The following HPSE2 variants were observed in gnomAD, a reference collection of about 807,000 sequenced individuals.
HPSE2 encodes heparanase 2 (inactive).
HPSE2 carries 38 observed loss-of-function variants against 60.5 expected under a neutral mutation model. The observed-to-expected ratio is 0.63, with a 90% CI of 0.48 to 0.82. The LOEUF is 0.82. HPSE2 is among the 40% of genes least tolerant of loss of function. The probability of loss-of-function intolerance (pLI) is 0.00; values close to 1 mark genes in which losing one functional copy is unlikely to be tolerated. For missense variants in HPSE2, 713 were observed against 740.4 expected, an observed-to-expected ratio of 0.96 and a Z score of 0.43; for synonymous variants, 295 against 293.2, an observed-to-expected ratio of 1.01 and a Z score of -0.06.
At chr10:98,871,775 T>C (rs1471789792) in intron 3 of HPSE2, among the ~76,000 whole-genome samples, 1 of 151,982 alleles carries the variant, frequency 6.6e-6, no homozygotes, top group Non-Finnish European at 1.5e-5. Flanking sequence ...CAGGTAAAAA[T>C]GTTGCCTATC....
the HPSE2 span, among the ~76,000 whole-genome samples, chr10:99,281,918 T>C: frequency 6.6e-6 from 1 of 150,576 alleles, no homozygotes; most frequent in Admixed American, 6.6e-5. Flanking sequence ...GAGAGCTGAG[T>C]TGGCTATATT....
Position 99,154,730 on chromosome 10 carries a change from A to G in HPSE2, c.449-10331T>C, listed in dbSNP as rs925920229. 1.7e-4 allele frequency among the ~76,000 whole-genome samples: 26 copies of G among 151,430 alleles called. 1 individual carries two copies. Among genetic ancestry groups the G allele is most frequent in the South Asian group, 1.7e-3 (8 of 4,764 alleles). ...AATCACCAGCTAACATCATAATGAC[A>G]GGATCAAATTCACACATAACAATAT... On this transcript the variant is annotated intron_variant, in intron 2 of 11. Transcript: ENST00000370552.
the HPSE2 span, among the ~76,000 whole-genome samples, chr10:99,314,512 C>T: frequency 3.9e-5 from 6 of 152,108 alleles, no homozygotes; most frequent in African/African-American, 1.4e-4. Flanking sequence ...AGACACAATG[C>T]TATTACACAC....
intron 8 of HPSE2, among the ~76,000 whole-genome samples, chr10:98,619,409 C>T (rs1202364124): frequency 6.6e-6 from 1 of 152,122 alleles, no homozygotes; most frequent in Non-Finnish European, 1.5e-5. Context: ...ATTCATTTTC[C>T]CATTCCTTCC....
intron 11 of HPSE2, among the ~76,000 whole-genome samples, chr10:98,480,111 C>T (rs549051633): frequency 2.8e-5 from 4 of 143,976 alleles, no homozygotes; most frequent in East Asian, 4.1e-4. Flanking sequence ...TTTTTTGAGG[C>T]AGAGTCTTGC....
At chr10:98,585,947 G>A (rs1430958066) in intron 9 of HPSE2, among the ~76,000 whole-genome samples, 1 of 81,462 alleles carries the variant, frequency 1.2e-5, no homozygotes, top group Non-Finnish European at 2.5e-5. Flanking sequence ...GCAAGACTGT[G>A]TCTCAAAAAA....
intron 9 of HPSE2, among the ~76,000 whole-genome samples, chr10:98,493,355 T>A (rs1941721756): frequency 6.6e-6 from 1 of 152,200 alleles, no homozygotes; most frequent in African/African-American, 2.4e-5. Flanking sequence ...TACTTCTTTA[T>A]TTCTGTATTG....
chr10:98,962,985 C>G (rs1264915516), intron 3 of HPSE2, among the ~76,000 whole-genome samples: 1 of 152,172 alleles, frequency 6.6e-6, no homozygotes, highest in Non-Finnish European at 1.5e-5. Flanking sequence ...TTGTGTTCTA[C>G]AGAGCACATT....
At chr10:98,623,789 C>T (rs12244396) in intron 7 of HPSE2, among the ~76,000 whole-genome samples, 9,564 of 151,738 alleles carry the variant, frequency 0.063, 1,026 homozygotes, top group African/African-American at 0.22. Context: ...GGTTATCACC[C>T]AAAGGTCTAG....
At chr10:98,530,018 C>T (rs1254206271) in intron 9 of HPSE2, among the ~76,000 whole-genome samples, 1 of 152,224 alleles carries the variant, frequency 6.6e-6, no homozygotes, top group African/African-American at 2.4e-5. Context: ...GGAGTCATCC[C>T]TGCTGACTCT....
intron 6 of HPSE2, among the ~76,000 whole-genome samples, chr10:98,671,594 T>C (rs1434099816): frequency 2.6e-5 from 4 of 152,198 alleles, no homozygotes; most frequent in South Asian, 2.1e-4. Flanking sequence ...AGTTTGCTAA[T>C]ACACTTTGTA....
rs866757863 is a variant in HPSE2 at position 98,795,002 on chromosome 10, A to G, written c.611-50946T>C. On this transcript the variant is annotated intron_variant, in intron 3 of 11. Coordinates refer to ENST00000370552, the MANE Select transcript of HPSE2 (RefSeq NM_021828.5). ...GAGGGGAGGGAAAGGGAGGGGAGGG[A>G]GGAAGGAGAGAGAGAGAGAAGGAAG... Among the ~76,000 whole-genome samples, 67 of 105,326 alleles carry G rather than the reference A, an allele frequency of 6.4e-4. 1 individual carries two copies. The Middle Eastern group carries it at 0.016, about 26-fold the overall frequency. 69.1% of individuals were successfully genotyped at this position (105,326 alleles called of 152,430 possible). A position where few individuals can be genotyped will look rare whatever the true frequency, so the allele number is the denominator to read the frequency against.
At chr10:99,015,929 T>A (rs1317791355) in intron 3 of HPSE2, among the ~76,000 whole-genome samples, 1 of 152,238 alleles carries the variant, frequency 6.6e-6, no homozygotes, top group Non-Finnish European at 1.5e-5. Context: ...TCCTTGTAGA[T>A]GCTGGATAGT....
chr10:99,067,170 T>TG (rs1487246692), intron 3 of HPSE2, among the ~76,000 whole-genome samples: 1 of 152,242 alleles, frequency 6.6e-6, no homozygotes, highest in African/African-American at 2.4e-5. Context: ...TGGGCAGCTC[T>TG]GTCCTTGTGG....
intron 3 of HPSE2, among the ~76,000 whole-genome samples, chr10:99,008,378 G>A (rs977118595): frequency 6.6e-6 from 1 of 152,054 alleles, no homozygotes; most frequent in Non-Finnish European, 1.5e-5. Context: ...AGCTTCCCCT[G>A]GAATTTTATC....
At chr10:99,094,525 T>TATATATATATATATAC (rs1843634645) in intron 3 of HPSE2, among the ~76,000 whole-genome samples, 1 of 19,664 alleles carries the variant, frequency 5.1e-5, no homozygotes, top group African/African-American at 1.1e-4. Context: ...CATATATATA[T>TATATATATATATATAC]ATATATATAT....
chr10:98,873,728 C>T (rs1445511838), intron 3 of HPSE2, among the ~76,000 whole-genome samples: 1 of 151,876 alleles, frequency 6.6e-6, no homozygotes, highest in African/African-American at 2.4e-5. Flanking sequence ...TGGGTATATA[C>T]CAGTAATGGG....
At chr10:99,196,859 C>A (rs1848416963) in intron 2 of HPSE2, among the ~76,000 whole-genome samples, 1 of 152,116 alleles carries the variant, frequency 6.6e-6, no homozygotes, top group Non-Finnish European at 1.5e-5. Context: ...TCCAGCAATC[C>A]TACTACTGGG....
At chr10:99,083,119 G>T (rs1205605080) in intron 3 of HPSE2, among the ~76,000 whole-genome samples, 1 of 152,146 alleles carries the variant, frequency 6.6e-6, no homozygotes, top group African/African-American at 2.4e-5. Context: ...AACCAGACAT[G>T]TTTCATTTAG....
Sources: gnomAD v4.1 joint callset for allele counts (sites outside exome capture counted in the v4.1 genomes callset) on GRCh38, gnomAD v4.1.1 for gene constraint, MANE v1.5 for transcripts, NCBI Gene and HGNC (gene_info 2026-07-23, HGNC 2026-07-21) for gene names.